Variants in VAV3 observed in about 807,000 individuals in gnomAD.
The protein encoded by VAV3 is guanine nucleotide exchange factor VAV3.
Under a neutral mutation model 131.2 loss-of-function variants are expected in VAV3, and 94 were observed. That is an observed-to-expected ratio of 0.72 (90% CI 0.61 to 0.85). The LOEUF is 0.85. Among genes scored for constraint, VAV3 ranks in the 40% least tolerant of loss-of-function variants. The probability of loss-of-function intolerance (pLI) is 0.00; values close to 1 mark genes in which losing one functional copy is unlikely to be tolerated. For synonymous variants in VAV3, 349 were observed against 342.0 expected, an observed-to-expected ratio of 1.02 and a Z score of -0.22; for missense variants, 939 against 1,002.7, an observed-to-expected ratio of 0.94 and a Z score of 0.86.
chr1:107,849,245 A>T (rs1669114250), intron 2 of VAV3, among the ~76,000 whole-genome samples: 1 of 150,970 alleles, frequency 6.6e-6, no homozygotes, highest in Admixed American at 6.6e-5. Flanking sequence ...ATGCAACCAA[A>T]AAAAAAAAAA....
chr1:107,911,602 T>C (rs1672370322), intron 1 of VAV3, among the ~76,000 whole-genome samples: 1 of 152,220 alleles, frequency 6.6e-6, no homozygotes, highest in South Asian at 2.1e-4. Context: ...TGCTCAGTAT[T>C]TTCATTCTAT....
At chr1:107,788,400 T>C (rs1053650559) in intron 2 of VAV3, among the ~76,000 whole-genome samples, 15 of 152,104 alleles carry the variant, frequency 9.9e-5, no homozygotes, top group African/African-American at 3.6e-4. Context: ...ACCCAACTGC[T>C]TTGCCTGCTG....
chr1:107,760,783 C>A lies in VAV3; in HGVS notation c.1017+1G>T. ...TAAATAAACTGTTTTAAGTTACATA[C>A]CTGGAGGAGAAGGTGGTACTTTAAA... On this transcript the variant is annotated splice_donor_variant, in intron 10 of 26. Coordinates refer to ENST00000370056, the MANE Select transcript of VAV3 (RefSeq NM_006113.5). LOFTEE classifies it high-confidence loss of function. 1 of 1,607,504 alleles carries A rather than the reference C, an allele frequency of 6.2e-7. No homozygotes were observed. The highest frequency in any genetic ancestry group is 8.5e-7 in the Non-Finnish European group (1 of 1,174,670).
chr1:107,769,844 C>T (rs765189199), intron 6 of VAV3, among the ~76,000 whole-genome samples: 9 of 152,238 alleles, frequency 5.9e-5, no homozygotes, highest in East Asian at 1.9e-4. Flanking sequence ...TCATCCAATC[C>T]GGTTGGTTCT....
At chr1:107,957,151 C>T (rs1416449460) in intron 1 of VAV3, among the ~76,000 whole-genome samples, 1 of 152,114 alleles carries the variant, frequency 6.6e-6, no homozygotes, top group Non-Finnish European at 1.5e-5. Flanking sequence ...AAATGTGCCC[C>T]TTCTTTATGA....
intron 19 of VAV3, among the ~76,000 whole-genome samples, chr1:107,662,944 CG>C (rs1251428349): frequency 1.3e-5 from 2 of 152,080 alleles, no homozygotes; most frequent in African/African-American, 2.4e-5. Context: ...ATCGACTTCT[CG>C]GGCTGCTCCA....
intron 1 of VAV3, among the ~76,000 whole-genome samples, chr1:107,923,072 G>A (rs1672988292): frequency 6.6e-6 from 1 of 151,414 alleles, no homozygotes; most frequent in African/African-American, 2.4e-5. Flanking sequence ...TCAACAGCTT[G>A]CAGAGTTTTT....
At chr1:107,921,538 G>C (rs1557925339) in intron 1 of VAV3, among the ~76,000 whole-genome samples, 1 of 152,168 alleles carries the variant, frequency 6.6e-6, no homozygotes, top group African/African-American at 2.4e-5. Context: ...ACACAGTAAA[G>C]TTCTGGAAAG....
intron 19 of VAV3, among the ~76,000 whole-genome samples, chr1:107,672,598 AG>A (rs1309064435): frequency 1.3e-5 from 2 of 152,054 alleles, no homozygotes; most frequent in Non-Finnish European, 2.9e-5. Flanking sequence ...CAAATACACC[AG>A]AAAAAAAATA....
rs1358605678 is a variant in VAV3, at chr1:107,772,863, A to C, written c.447-20T>G. 1 of 1,599,328 alleles carries C rather than the reference A, an allele frequency of 6.3e-7. No individual in the cohort carries two copies. The highest frequency in any genetic ancestry group is 8.5e-7 in the Non-Finnish European group (1 of 1,169,908). ...GTTTCACTACAACAAAGGATATCATATAAGGTCATTTTCTATTATGCAGTA... is the reference window on the plus strand; with the variant it reads ...GTTTCACTACAACAAAGGATATCATCTAAGGTCATTTTCTATTATGCAGTA... On this transcript the variant is annotated intron_variant, in intron 4 of 26. Transcript: ENST00000370056.
At chr1:107,851,365 A>G (rs1669221198) in intron 2 of VAV3, among the ~76,000 whole-genome samples, 1 of 143,908 alleles carries the variant, frequency 6.9e-6, no homozygotes, top group Non-Finnish European at 1.5e-5. Flanking sequence ...GGCTGCTAAC[A>G]CCCAGCATAC....
chr1:107,836,851 AT>A (rs1668500769), intron 2 of VAV3, among the ~76,000 whole-genome samples: 1 of 152,182 alleles, frequency 6.6e-6, no homozygotes, highest in East Asian at 1.9e-4. Context: ...AACCTCCAAG[AT>A]TGAACCAGAA....
chr1:107,806,839 C>T (rs962212691), intron 2 of VAV3, among the ~76,000 whole-genome samples: 2 of 152,140 alleles, frequency 1.3e-5, no homozygotes, highest in African/African-American at 4.8e-5. Flanking sequence ...ACAAAATCTA[C>T]AGATTCTCAA....
intron 2 of VAV3, among the ~76,000 whole-genome samples, chr1:107,811,967 A>G (rs899792616): frequency 1.1e-4 from 16 of 152,226 alleles, no homozygotes; most frequent in Admixed American, 9.2e-4. Context: ...ATCATTTTCT[A>G]CAAGTGGACA....
At chr1:107,640,108 C>T (rs1570665318) in intron 20 of VAV3, among the ~76,000 whole-genome samples, 1 of 152,126 alleles carries the variant, frequency 6.6e-6, no homozygotes, top group East Asian at 1.9e-4. Flanking sequence ...ATATTCCCCT[C>T]TTGGCATTAG....
chr1:107,650,001 G>A (rs1390101473), intron 19 of VAV3, among the ~76,000 whole-genome samples: 1 of 152,014 alleles, frequency 6.6e-6, no homozygotes, highest in Non-Finnish European at 1.5e-5. Context: ...TGGAGTGGGG[G>A]ATGCTTTATT....
intron 19 of VAV3, among the ~76,000 whole-genome samples, chr1:107,675,101 T>C (rs1041035731): frequency 6.6e-6 from 1 of 152,216 alleles, no homozygotes; most frequent in African/African-American, 2.4e-5. Flanking sequence ...TAAGAAACCC[T>C]GAAGCACAGA....
chr1:107,827,895 T>C (rs1668082859), intron 2 of VAV3, among the ~76,000 whole-genome samples: 1 of 152,210 alleles, frequency 6.6e-6, no homozygotes, highest in African/African-American at 2.4e-5. Flanking sequence ...TACTAGTTAA[T>C]GGTCAATTCC....
intron 15 of VAV3, among the ~76,000 whole-genome samples, chr1:107,737,336 A>G (rs1465916268): frequency 2.6e-5 from 4 of 152,190 alleles, no homozygotes; most frequent in Non-Finnish European, 4.4e-5. Flanking sequence ...AATGGCAACA[A>G]AAGCCAAAAT....
Sources: gnomAD v4.1 joint callset for allele counts (sites outside exome capture counted in the v4.1 genomes callset) on GRCh38, gnomAD v4.1.1 for gene constraint, MANE v1.5 for transcripts, NCBI Gene and HGNC (gene_info 2026-07-23, HGNC 2026-07-21) for gene names.